The following HDGFL3 variants were observed in gnomAD, a reference collection of about 807,000 sequenced individuals.
HDGFL3 encodes hepatoma-derived growth factor-related protein 3.
Under a neutral mutation model 27.6 loss-of-function variants are expected in HDGFL3, and 6 were observed. The observed-to-expected ratio is 0.22, with a 90% CI of 0.12 to 0.43. The LOEUF is 0.43. Ranked by LOEUF, HDGFL3 falls within the 20% of genes least tolerant of loss-of-function variation. HDGFL3 has a pLI of 1.00. For missense variants in HDGFL3, 207 were observed against 250.1 expected, an observed-to-expected ratio of 0.83 and a Z score of 1.16; for synonymous variants, 88 against 88.9, an observed-to-expected ratio of 0.99 and a Z score of 0.05.
At chr15:83,198,882 G>A (rs2151422325) in intron 1 of HDGFL3, among the ~76,000 whole-genome samples, 1 of 152,264 alleles carries the variant, frequency 6.6e-6, no homozygotes, top group South Asian at 2.1e-4. Flanking sequence ...CCACCACACT[G>A]GGGATAAAAT....
chr15:83,149,086 G>C (rs1460336379), intron 5 of HDGFL3, among the ~76,000 whole-genome samples: 4 of 151,838 alleles, frequency 2.6e-5, no homozygotes, highest in Admixed American at 1.3e-4. Flanking sequence ...TTAAAAATAG[G>C]CTCTTGCTTC....
At chr15:83,161,206 C>T (rs1167548551) in intron 2 of HDGFL3, among the ~76,000 whole-genome samples, 1 of 152,128 alleles carries the variant, frequency 6.6e-6, no homozygotes, top group Non-Finnish European at 1.5e-5. Context: ...CAGGGCTTGC[C>T]TATACTTATT....
At chr15:83,151,418 G>T in intron 4 of HDGFL3, 57 bp from the exon 5 acceptor site, 2 of 1,448,910 alleles carry the variant, frequency 1.4e-6, no homozygotes, top group Non-Finnish European at 1.9e-6. Context: ...AAATGTACAA[G>T]TAAGAGATGC....
intron 5 of HDGFL3, chr15:83,144,602 G>A (rs2036854196): frequency 2.2e-6 from 1 of 447,902 alleles, no homozygotes; most frequent in Non-Finnish European, 4.5e-6. Context: ...AACAACTCAT[G>A]AGGAACTGAG....
At chr15:83,178,035 G>A (rs2037334316) in intron 1 of HDGFL3, among the ~76,000 whole-genome samples, 1 of 152,192 alleles carries the variant, frequency 6.6e-6, no homozygotes, top group Non-Finnish European at 1.5e-5. Flanking sequence ...AAATGCGCAA[G>A]AGGATAATGA....
In HDGFL3 at chr15:83,133,579, T is replaced by C. The variant is rs1260867635; in HGVS notation, c.*5691A>G. ...TATTAGGGACTCAACCTCACATTGCTAAATTCTGGAGAAATTTCTAGGATC... is the reference window on the plus strand; with the variant it reads ...TATTAGGGACTCAACCTCACATTGCCAAATTCTGGAGAAATTTCTAGGATC... On this transcript the variant is annotated 3_prime_UTR_variant, in exon 6 of 6. Coordinates refer to ENST00000299633, the MANE Select transcript of HDGFL3 (RefSeq NM_016073.4). 6.6e-6 allele frequency: 1 copy of C among 152,248 alleles called. No individual in the cohort carries two copies. Among genetic ancestry groups the C allele is most frequent in the Non-Finnish European group, 1.5e-5 (1 of 68,044 alleles). 9.4% of individuals were successfully genotyped at this position (152,248 alleles called of 1,614,324 possible).
At chr15:83,168,657 A>C (rs2037202532) in intron 1 of HDGFL3, among the ~76,000 whole-genome samples, 1 of 152,146 alleles carries the variant, frequency 6.6e-6, no homozygotes, top group African/African-American at 2.4e-5. Context: ...TACCCCAAAA[A>C]AGTCTCAGCC....
intron 5 of HDGFL3, among the ~76,000 whole-genome samples, chr15:83,143,022 A>C (rs567823686): frequency 1.6e-4 from 25 of 151,974 alleles, no homozygotes; most frequent in African/African-American, 5.5e-4. Context: ...GCCCTTAATA[A>C]CTTTTTTTTT....
intron 2 of HDGFL3, 34 bp from the exon 3 acceptor site, chr15:83,158,075 C>A (rs772742454): frequency 1.3e-6 from 2 of 1,562,932 alleles, no homozygotes; most frequent in South Asian, 1.2e-5. Context: ...AATTGACACA[C>A]TGACCTTCAA....
intron 5 of HDGFL3, among the ~76,000 whole-genome samples, chr15:83,141,581 A>G (rs1169432291): frequency 2.0e-5 from 3 of 152,130 alleles, no homozygotes; most frequent in Non-Finnish European, 2.9e-5. Context: ...CAGTTTTCCA[A>G]TATTTAAAGA....
Position 83,206,263 on chromosome 15 carries a change from T to C in HDGFL3, c.84+1068A>G, listed in dbSNP as rs573640530. Among the ~76,000 whole-genome samples the C allele has an allele frequency of 2.4e-4, 36 of 152,320 alleles. No homozygotes were observed. The South Asian group carries it at 4.4e-3, about 18-fold the overall frequency. Reference sequence around the variant, plus strand: ...TCTTGCTATCTTCACTTGACTACAATACAACATTTTAGAGCTCACACTATA... The same window carrying C: ...TCTTGCTATCTTCACTTGACTACAACACAACATTTTAGAGCTCACACTATA... On this transcript the variant is annotated intron_variant, in intron 1 of 5. Transcript: ENST00000299633.
At chr15:83,175,204 C>T (rs1287588781) in intron 1 of HDGFL3, among the ~76,000 whole-genome samples, 2 of 152,040 alleles carry the variant, frequency 1.3e-5, no homozygotes. Flanking sequence ...TTGCTTAGCC[C>T]CTTTGAGTAT....
At chr15:83,126,697 G>C (rs1345898235), downstream of HDGFL3, 1 of 1,436,012 alleles carries the variant, frequency 7.0e-7, no homozygotes, top group Non-Finnish European at 9.7e-7. Flanking sequence ...AGCCTTATCA[G>C]CAAACCTAAG....
intron 5 of HDGFL3, among the ~76,000 whole-genome samples, chr15:83,146,215 G>A (rs1270389831): frequency 6.6e-6 from 1 of 152,012 alleles, no homozygotes; most frequent in Non-Finnish European, 1.5e-5. Context: ...CAACCACTGG[G>A]AGTAACTGTA....
In HDGFL3 at chr15:83,128,681, T is replaced by C. The variant is rs549042664; in HGVS notation, c.*10589A>G. The C allele has an allele frequency of 1.3e-5, 2 of 152,304 alleles. No homozygotes were observed. The highest frequency in any genetic ancestry group is 1.9e-4 in the East Asian group (1 of 5,186). The allele number at this position is 152,304 out of a possible 1,614,324, so 9.4% of individuals were successfully genotyped here. ...CCTCACTAGCACCTCAGATTTAATA[T>C]ATAAAATAGGACCTGATCCTCCCCA... is the stretch of plus-strand genomic sequence containing the variant. On this transcript the variant is annotated 3_prime_UTR_variant, in exon 6 of 6. Coordinates refer to ENST00000299633, the MANE Select transcript of HDGFL3 (RefSeq NM_016073.4).
chr15:83,165,725 G>A (rs2037162168), intron 1 of HDGFL3, among the ~76,000 whole-genome samples: 1 of 150,520 alleles, frequency 6.6e-6, no homozygotes, highest in African/African-American at 2.4e-5. Flanking sequence ...AACCTGGGAG[G>A]CGGAGCTTAC....
At chr15:83,180,244 G>A (rs978310154) in intron 1 of HDGFL3, among the ~76,000 whole-genome samples, 12 of 152,096 alleles carry the variant, frequency 7.9e-5, no homozygotes, top group Admixed American at 4.6e-4. Context: ...GTGGAATAAC[G>A]TTCAATAACA....
Position 83,161,765 on chromosome 15 carries a change from T to C in HDGFL3, c.161+2234A>G, listed in dbSNP as rs149240123. 2.0e-3 allele frequency among the ~76,000 whole-genome samples: 311 copies of C among 152,338 alleles called. 1 individual carries two copies. Among genetic ancestry groups the C allele is most frequent in the African/African-American group, 7.0e-3 (292 of 41,578 alleles). ...AACAACCCTGTTTTTTTCTGGATTA[T>C]AGATAATTGTGTAAATCAAATCCCC... On this transcript the variant is annotated intron_variant, in intron 2 of 5. Transcript: ENST00000299633.
rs2036534468 is a variant in HDGFL3 at position 83,135,276 on chromosome 15, A to G, written c.*3994T>C. Reference sequence around the variant, plus strand: ...GTCATGGTGAAGTCAAGTAAGTAACACCTTTATCTGTGAAATCACTCAGCA... The same window carrying G: ...GTCATGGTGAAGTCAAGTAAGTAACGCCTTTATCTGTGAAATCACTCAGCA... On this transcript the variant is annotated 3_prime_UTR_variant, in exon 6 of 6. Coordinates refer to ENST00000299633, the MANE Select transcript of HDGFL3 (RefSeq NM_016073.4). 6.6e-6 allele frequency: 1 copy of G among 152,210 alleles called. No homozygotes were observed. Among genetic ancestry groups the G allele is most frequent in the South Asian group, 2.1e-4 (1 of 4,824 alleles). The allele number at this position is 152,210 out of a possible 1,614,324, so 9.4% of individuals were successfully genotyped here.
Sources: allele counts gnomAD v4.1 joint callset (sites outside exome capture counted in the v4.1 genomes callset), GRCh38; gene constraint gnomAD v4.1.1; transcripts MANE v1.5; gene names NCBI Gene and HGNC (gene_info 2026-07-23, HGNC 2026-07-21).